The following BNC2 variants were observed in gnomAD, a reference collection of about 807,000 sequenced individuals.
BNC2 encodes zinc finger protein basonuclin-2.
A neutral mutation model predicts 76.3 loss-of-function variants in BNC2; 20 were observed. The observed-to-expected ratio is 0.26, with a 90% CI of 0.18 to 0.38. The LOEUF (loss-of-function observed/expected upper bound fraction) is 0.38, where lower values mean the gene tolerates loss of function less well. Among genes scored for constraint, BNC2 ranks in the 10% least tolerant of loss-of-function variants. The pLI is 1.00. For missense variants in BNC2, 1,382 were observed against 1,399.8 expected (o/e 0.99, Z 0.20); for synonymous variants, 582 against 514.8 (o/e 1.13, Z -1.77).
chr9:16,421,337 GAGAGAAAGAA>G (rs769101101), intron 6 of BNC2: 10 of 1,222,678 alleles, frequency 8.2e-6, no homozygotes, highest in African/African-American at 1.6e-5. Flanking sequence ...GAGACAGAGA[GAGAGAAAGAA>G]AGAGAAAGAG....
chr9:16,663,734 A>G (rs1822183093), intron 3 of BNC2, among the ~76,000 whole-genome samples: 1 of 152,200 alleles, frequency 6.6e-6, no homozygotes, highest in South Asian at 2.1e-4. Flanking sequence ...GGGATATCTA[A>G]TCCACTGAAC....
chr9:16,589,668 C>T (rs1046662111), intron 3 of BNC2, among the ~76,000 whole-genome samples: 3 of 151,864 alleles, frequency 2.0e-5, no homozygotes, highest in Non-Finnish European at 2.9e-5. Flanking sequence ...ACCACCACAC[C>T]GGGCTAATTT....
intron 4 of BNC2, among the ~76,000 whole-genome samples, chr9:16,576,376 TA>T (rs1269528196): frequency 6.6e-6 from 1 of 152,168 alleles, no homozygotes; most frequent in Non-Finnish European, 1.5e-5. Context: ...ATTCTTATGA[TA>T]AAGGAATTTC....
chr9:16,744,028 G>A (rs1020123658), intron 1 of BNC2, among the ~76,000 whole-genome samples: 3 of 152,058 alleles, frequency 2.0e-5, no homozygotes, highest in South Asian at 2.1e-4. Context: ...GTGCAGTGGC[G>A]CGATCTCTGC....
chr9:16,768,054 C>T (rs1054538600), intron 1 of BNC2, among the ~76,000 whole-genome samples: 1 of 151,666 alleles, frequency 6.6e-6, no homozygotes, highest in African/African-American at 2.4e-5. Context: ...CAACCTCCAC[C>T]TCCTGGGTTC....
At chr9:16,812,239 G>C (rs1010740419) in intron 1 of BNC2, among the ~76,000 whole-genome samples, 2 of 152,210 alleles carry the variant, frequency 1.3e-5, no homozygotes, top group African/African-American at 4.8e-5. Context: ...CTCTGGGCTT[G>C]GAGGTTGGTG....
chr9:16,604,072 TG>T (rs1444979046), intron 3 of BNC2, among the ~76,000 whole-genome samples: 1 of 152,210 alleles, frequency 6.6e-6, no homozygotes, highest in Non-Finnish European at 1.5e-5. Flanking sequence ...TTATTTGATC[TG>T]GATGTTGGCA....
intron 3 of BNC2, among the ~76,000 whole-genome samples, chr9:16,592,333 A>G (rs1819953678): frequency 6.6e-6 from 1 of 152,190 alleles, no homozygotes; most frequent in Admixed American, 6.6e-5. Context: ...GTATATTAAT[A>G]TAATGAAATT....
intron 6 of BNC2, among the ~76,000 whole-genome samples, chr9:16,433,054 T>G (rs1033429249): frequency 1.3e-5 from 2 of 152,228 alleles, no homozygotes; most frequent in Non-Finnish European, 2.9e-5. Flanking sequence ...CACAGTTCAC[T>G]CTGCTGAGCT....
At chr9:16,678,276 T>TC (rs1822717039) in intron 3 of BNC2, among the ~76,000 whole-genome samples, 1 of 123,532 alleles carries the variant, frequency 8.1e-6, no homozygotes, top group African/African-American at 3.2e-5. Context: ...TCTTTTTTTT[T>TC]TTTTTTTTTT....
At chr9:16,423,030 G>A (rs931848141) in intron 6 of BNC2, among the ~76,000 whole-genome samples, 1 of 152,194 alleles carries the variant, frequency 6.6e-6, no homozygotes, top group African/African-American at 2.4e-5. Context: ...GTCGAGAGAA[G>A]ACCCTAAAAT....
chr9:16,869,965 C>G (rs1374186907), intron 1 of BNC2, among the ~76,000 whole-genome samples: 3 of 152,182 alleles, frequency 2.0e-5, no homozygotes, highest in Non-Finnish European at 4.4e-5. Flanking sequence ...AACAAATCGG[C>G]TCCTATAGAA....
chr9:16,674,427 T>TA (rs917346835), intron 3 of BNC2, among the ~76,000 whole-genome samples: 2 of 151,878 alleles, frequency 1.3e-5, no homozygotes, highest in African/African-American at 4.8e-5. Flanking sequence ...TTAAAACCCC[T>TA]AAAAAAAATA....
chr9:16,467,846 T>TAAA (rs35957070), intron 5 of BNC2, among the ~76,000 whole-genome samples: 1 of 141,420 alleles, frequency 7.1e-6, no homozygotes, highest in African/African-American at 2.6e-5. Flanking sequence ...AAAAAAAAAT[T>TAAA]AAAAAAAAAA....
chr9:16,723,188 C>T (rs1824214260), intron 3 of BNC2, among the ~76,000 whole-genome samples: 1 of 152,006 alleles, frequency 6.6e-6, no homozygotes, highest in Non-Finnish European at 1.5e-5. Flanking sequence ...TCCAAACATA[C>T]TAACTGTAAG....
intron 2 of BNC2, 125 bp from the exon 3 acceptor site, chr9:16,728,122 T>A: frequency 4.5e-5 from 25 of 549,664 alleles, no homozygotes; most frequent in Non-Finnish European, 6.3e-5. Flanking sequence ...AGGGAGGGGG[T>A]CAGAGCTTCT....
chr9:16,791,134 T>A (rs968996110), intron 1 of BNC2, among the ~76,000 whole-genome samples: 13 of 152,024 alleles, frequency 8.6e-5, no homozygotes, highest in Non-Finnish European at 1.5e-5. Context: ...TGATCTCGGC[T>A]CACTGTAAGC....
chr9:16,549,872 C>T (rs1055720982), intron 5 of BNC2, among the ~76,000 whole-genome samples: 1 of 152,022 alleles, frequency 6.6e-6, no homozygotes, highest in African/African-American at 2.4e-5. Context: ...ACCAATAAAA[C>T]AAGACAGAAA....
intron 3 of BNC2, among the ~76,000 whole-genome samples, chr9:16,701,733 G>A: frequency 6.6e-6 from 1 of 151,922 alleles, no homozygotes. Context: ...TTTTAGGCCA[G>A]GAGTTCAAGA....
Sources: gnomAD v4.1 joint callset for allele counts (sites outside exome capture counted in the v4.1 genomes callset) on GRCh38, gnomAD v4.1.1 for gene constraint, MANE v1.5 for transcripts, NCBI Gene and HGNC (gene_info 2026-07-23, HGNC 2026-07-21) for gene names.